The following ANK3 variants were observed in gnomAD, a reference collection of about 807,000 sequenced individuals.
ANK3 encodes the protein ankyrin 3.
ANK3 carries 57 observed loss-of-function variants against 370.9 expected under a neutral mutation model. The observed-to-expected ratio is 0.15, with a 90% confidence interval of 0.12 to 0.19. The LOEUF is 0.19. ANK3 is among the 10% of genes least tolerant of loss of function. The pLI is 1.00. For missense variants in ANK3, 4,439 were observed against 5,302.1 expected, an observed-to-expected ratio of 0.84 and a Z score of 5.06; for synonymous variants, 1,929 against 1,946.3, an observed-to-expected ratio of 0.99 and a Z score of 0.23.
At chr10:60,043,988 C>T (rs2076542511) in intron 42 of ANK3, 3 of 985,742 alleles carry the variant, frequency 3.0e-6, no homozygotes, top group African/African-American at 1.7e-5. Context: ...TGCCACACTG[C>T]AGATGCCAGC....
intron 12 of ANK3, 37 bp downstream of exon 12, chr10:60,202,965 A>G: frequency 6.9e-7 from 1 of 1,441,726 alleles, no homozygotes; most frequent in Non-Finnish European, 9.6e-7. Context: ...TTTATTAAAT[A>G]CTCACAATGG....
chr10:60,457,437 G>A (rs756216211), intron 2 of ANK3, among the ~76,000 whole-genome samples: 1 of 152,132 alleles, frequency 6.6e-6, no homozygotes, highest in Non-Finnish European at 1.5e-5. Context: ...AAGTCAGGTA[G>A]AACAGAAGCC....
intron 2 of ANK3, among the ~76,000 whole-genome samples, chr10:60,447,305 A>G (rs1009306797): frequency 1.3e-5 from 2 of 152,198 alleles, no homozygotes; most frequent in African/African-American, 2.4e-5. Flanking sequence ...TGGAGAGTAG[A>G]GATAAAGTAT....
At chr10:60,689,092 A>G (rs2079311783) in intron 1 of ANK3, among the ~76,000 whole-genome samples, 1 of 152,238 alleles carries the variant, frequency 6.6e-6, no homozygotes, top group Non-Finnish European at 1.5e-5. Flanking sequence ...TCAACAGAGA[A>G]TGGAGGTCTA....
intron 2 of ANK3, among the ~76,000 whole-genome samples, chr10:60,445,054 T>A: frequency 6.6e-6 from 1 of 152,156 alleles, no homozygotes; most frequent in East Asian, 1.9e-4. Flanking sequence ...TTGGAGTAAT[T>A]CTGAAGGCAC....
intron 1 of ANK3, among the ~76,000 whole-genome samples, chr10:60,726,182 A>G (rs2079938125): frequency 6.6e-6 from 1 of 152,160 alleles, no homozygotes; most frequent in Admixed American, 6.5e-5. Context: ...ACAATCCCAC[A>G]AGGTGGATGT....
chr10:60,349,057 A>C (rs1289362078), intron 1 of ANK3, among the ~76,000 whole-genome samples: 3 of 129,316 alleles, frequency 2.3e-5, no homozygotes, highest in African/African-American at 5.3e-5. Context: ...AGTAAGTGGT[A>C]ACAAGATGGG....
At chr10:60,689,615 G>A (rs2079320633) in intron 1 of ANK3, among the ~76,000 whole-genome samples, 1 of 151,902 alleles carries the variant, frequency 6.6e-6, no homozygotes, top group Admixed American at 6.6e-5. Context: ...AGCTGGGCAT[G>A]GTGTCGAGTG....
chr10:60,340,319 G>A (rs2053962751), intron 1 of ANK3, among the ~76,000 whole-genome samples: 1 of 152,142 alleles, frequency 6.6e-6, no homozygotes, highest in Admixed American at 6.6e-5. Flanking sequence ...TTGCATCTTT[G>A]AACTACTGGA....
intron 2 of ANK3, among the ~76,000 whole-genome samples, chr10:60,444,145 AT>A (rs986282932): frequency 2.0e-5 from 3 of 151,886 alleles, no homozygotes; most frequent in Admixed American, 6.6e-5. Flanking sequence ...CTTTTGGCTT[AT>A]TTTTTTCTAC....
At chr10:60,335,706 T>C (rs1303868872) in intron 1 of ANK3, among the ~76,000 whole-genome samples, 3 of 152,212 alleles carry the variant, frequency 2.0e-5, no homozygotes, top group African/African-American at 7.2e-5. Flanking sequence ...TGGGCAGGTA[T>C]GGCAGGACAT....
At chr10:60,346,471 T>TAA (rs34150870) in intron 1 of ANK3, among the ~76,000 whole-genome samples, 105,807 of 151,724 alleles carry the variant, frequency 0.7, 38,159 homozygotes, top group South Asian at 0.91. Flanking sequence ...TATAACTCTT[T>TAA]ATAAATTCAG....
chr10:60,344,761 A>T (rs1324747695), intron 1 of ANK3, among the ~76,000 whole-genome samples: 1 of 152,216 alleles, frequency 6.6e-6, no homozygotes, highest in Admixed American at 6.5e-5. Flanking sequence ...TATCAGTGGG[A>T]GGTACTTCAC....
rs1002998321 is a variant in ANK3, at chr10:60,720,560, C to G, written c.57+12703G>C. 1.3e-5 allele frequency among the ~76,000 whole-genome samples: 2 copies of G among 152,136 alleles called. 1 individual carries two copies. The highest frequency in any genetic ancestry group is 4.8e-5 in the African/African-American group (2 of 41,420). On this transcript the variant is annotated intron_variant, in intron 1 of 43. Coordinates refer to the ANK3 transcript ENST00000373827. The stretch of plus-strand genomic sequence containing the variant: ...TCTTGCCAGATTTCTAACACATTTG[C>G]AAAATCTTATATATCTATATCTGAC...
intron 2 of ANK3, among the ~76,000 whole-genome samples, chr10:60,536,326 A>G (rs1278663889): frequency 1.3e-5 from 2 of 152,108 alleles, no homozygotes; most frequent in Non-Finnish European, 2.9e-5. Flanking sequence ...CTTGTTTTGC[A>G]GAAGAGTGCA....
chr10:60,214,537 G>A (rs1339919536), intron 8 of ANK3, among the ~76,000 whole-genome samples: 1 of 152,012 alleles, frequency 6.6e-6, no homozygotes, highest in African/African-American at 2.4e-5. Context: ...ACAGGCCCTG[G>A]TGTGTGTTGT....
intron 25 of ANK3, among the ~76,000 whole-genome samples, chr10:60,116,370 C>G (rs2093085843): frequency 6.6e-6 from 1 of 152,098 alleles, no homozygotes; most frequent in African/African-American, 2.4e-5. Flanking sequence ...ACAACCTCTA[C>G]ACCATACAGA....
chr10:60,128,588 C>T (rs1405513501), intron 25 of ANK3, among the ~76,000 whole-genome samples: 2 of 152,032 alleles, frequency 1.3e-5, no homozygotes, highest in Non-Finnish European at 2.9e-5. Context: ...ACCATGTTGG[C>T]CAGGCTGGTC....
chr10:60,134,636 G>A (rs1237667874), intron 24 of ANK3, among the ~76,000 whole-genome samples: 1 of 152,182 alleles, frequency 6.6e-6, no homozygotes, highest in African/African-American at 2.4e-5. Flanking sequence ...GTTTCACTAT[G>A]AAGTTGAACT....
Sources: gnomAD v4.1 joint callset for allele counts (sites outside exome capture counted in the v4.1 genomes callset) on GRCh38, gnomAD v4.1.1 for gene constraint, MANE v1.5 for transcripts, NCBI Gene and HGNC (gene_info 2026-07-23, HGNC 2026-07-21) for gene names.